Variants in RB1CC1 observed in about 807,000 individuals in gnomAD.
The protein encoded by RB1CC1 is RB1-inducible coiled-coil protein 1.
A neutral mutation model predicts 177.5 loss-of-function variants in RB1CC1; 46 were observed. The ratio of observed to expected loss-of-function variants is 0.26; its 90% CI spans 0.20 to 0.33. RB1CC1 has a LOEUF of 0.33. Among genes scored for constraint, RB1CC1 ranks in the 10% least tolerant of loss-of-function variants. RB1CC1 has a pLI of 1.00. For missense variants in RB1CC1, 1,703 were observed against 1,816.3 expected, an observed-to-expected ratio of 0.94 and a Z score of 1.13; for synonymous variants, 666 against 613.6, an observed-to-expected ratio of 1.09 and a Z score of -1.26.
rs1189214512 is a variant in RB1CC1, at chr8:52,623,806, G to A, written c.4761C>T (p.Ala1587=). The A allele has an allele frequency of 3.7e-6, 6 of 1,607,226 alleles. No homozygotes were observed. The highest frequency in any genetic ancestry group is 2.6e-6 in the Non-Finnish European group (3 of 1,174,436). The part of the protein sequence containing the change: ...PLGTKFYRVK[A]VSWNKKV Reference sequence around the variant, plus strand: ...GTTATACTTTCTTATTCCATGATACGGCTTTCACTCTGTAAAACTTTGTCC... The same window carrying A: ...GTTATACTTTCTTATTCCATGATACAGCTTTCACTCTGTAAAACTTTGTCC... The change falls in exon 24 of 24, where the codon GCC becomes GCT. Residue 1587 remains alanine (A), a synonymous_variant. Coordinates refer to ENST00000025008, the MANE Select transcript of RB1CC1 (RefSeq NM_014781.5).
At chr8:52,658,579 G>GAAAAAAAAAAAAAAAAAA (rs67680393) in intron 13 of RB1CC1, among the ~76,000 whole-genome samples, 1 of 98,798 alleles carries the variant, frequency 1.0e-5, no homozygotes, top group African/African-American at 3.9e-5. Flanking sequence ...TCCGTCTCAA[G>GAAAAAAAAAAAAAAAAAA]AAAAAAAAAA....
rs1295952384 is a variant in RB1CC1, at chr8:52,623,591, G to T, written c.*191C>A. 2 of 615,436 alleles carry T rather than the reference G, an allele frequency of 3.2e-6. No homozygotes were observed. Among genetic ancestry groups the T allele is most frequent in the Non-Finnish European group, 6.0e-6 (2 of 334,988 alleles). The allele number at this position is 615,436 out of a possible 1,614,324, so 38.1% of individuals were successfully genotyped here. On this transcript the variant is annotated 3_prime_UTR_variant, in exon 24 of 24. Coordinates refer to ENST00000025008, the MANE Select transcript of RB1CC1 (RefSeq NM_014781.5). ...AAAAAACAAAAACCATTTTAATTCA[G>T]CCAAGGATTCTGATGAATTTATTAT...
intron 23 of RB1CC1, 31 bp from the exon 24 acceptor site, chr8:52,623,890 G>C: frequency 7.0e-7 from 1 of 1,419,370 alleles, no homozygotes; most frequent in Middle Eastern, 2.3e-4. Context: ...GGAATCACTA[G>C]AGTGATTAAA....
chr8:52,651,837 C>CTAT (rs1850614503), intron 15 of RB1CC1, among the ~76,000 whole-genome samples: 1 of 152,094 alleles, frequency 6.6e-6, no homozygotes, highest in African/African-American at 2.4e-5. Flanking sequence ...TCCAAATGAC[C>CTAT]AACTCATGAC....
At chr8:52,645,904 A>AC in intron 15 of RB1CC1, 37 bp from the exon 16 acceptor site, 1 of 1,532,922 alleles carries the variant, frequency 6.5e-7, no homozygotes, top group African/African-American at 1.4e-5. Context: ...TAAAAAAAAA[A>AC]TTACAGACAC....
At chr8:52,675,215 T>C (rs924163008) in intron 6 of RB1CC1, among the ~76,000 whole-genome samples, 1 of 152,164 alleles carries the variant, frequency 6.6e-6, no homozygotes, top group African/African-American at 2.4e-5. Flanking sequence ...TCAAGATTTT[T>C]CCATTTTTAA....
Position 52,623,826 on chromosome 8 carries a change from T to C in RB1CC1, c.4741A>G (p.Lys1581Glu). 1 of 1,609,804 alleles carries C rather than the reference T, an allele frequency of 6.2e-7. No homozygotes were observed. Residue 1581 changes from lysine (K) to glutamate (E), a missense_variant, in exon 24 of 24, where the codon AAG becomes GAG. Physicochemically the swap from Lys to Glu is moderately conservative, Grantham distance 56 (BLOSUM62 1). Coordinates refer to ENST00000025008, the MANE Select transcript of RB1CC1 (RefSeq NM_014781.5). ...GATACGGCTTTCACTCTGTAAAACT[T>C]TGTCCCCAAAGGAACTTTAAATCTG... ...QNRFKVPLGT[K>E]FYRVKAVSWN... is the part of the protein sequence containing the mutation.
intron 1 of RB1CC1, among the ~76,000 whole-genome samples, chr8:52,708,256 C>T (rs1856757285): frequency 6.6e-6 from 1 of 152,236 alleles, no homozygotes; most frequent in South Asian, 2.1e-4. Context: ...CTGGCTCACG[C>T]CTGTAATCCC....
chr8:52,655,689 A>G (rs557668712), intron 15 of RB1CC1, among the ~76,000 whole-genome samples: 16 of 152,226 alleles, frequency 1.1e-4, no homozygotes, highest in African/African-American at 3.8e-4. Context: ...GTTTAGAAAA[A>G]AACTGCAAAT....
At chr8:52,671,931 G>A (rs914860933) in intron 7 of RB1CC1, among the ~76,000 whole-genome samples, 5 of 151,994 alleles carry the variant, frequency 3.3e-5, no homozygotes, top group South Asian at 2.1e-4. Context: ...TTAAAGTCAC[G>A]TTAGCTAATT....
Position 52,662,282 on chromosome 8 carries a change from T to G in RB1CC1, c.1174-563A>C, listed in dbSNP as rs114012274. 4.1e-3 allele frequency among the ~76,000 whole-genome samples: 618 copies of G among 152,206 alleles called. 6 individuals are homozygous for G. The highest frequency in any genetic ancestry group is 0.014 in the African/African-American group (592 of 41,564). On this transcript the variant is annotated intron_variant, in intron 8 of 23. Coordinates refer to ENST00000025008, the MANE Select transcript of RB1CC1 (RefSeq NM_014781.5). ...TGTGATTTTACACAGAGTTTATACT[T>G]TATTATTTGGTAGAAAAACATTTTT...
At chr8:52,645,895 A>G in intron 15 of RB1CC1, 28 bp from the exon 16 acceptor site, 1 of 1,402,928 alleles carries the variant, frequency 7.1e-7, no homozygotes. Flanking sequence ...GCATTAAATT[A>G]AAAAAAAAAT....
chr8:52,676,298 A>G, intron 6 of RB1CC1, 71 bp downstream of exon 6: 1 of 1,380,348 alleles, frequency 7.2e-7, no homozygotes, highest in Admixed American at 2.0e-5. Flanking sequence ...ACAAATTTGC[A>G]GTAATTAAAC....
At chr8:52,636,900 G>A (rs1323146638) in intron 18 of RB1CC1, among the ~76,000 whole-genome samples, 3 of 152,136 alleles carry the variant, frequency 2.0e-5, no homozygotes, top group African/African-American at 4.8e-5. Context: ...GGGTTCAACC[G>A]ACCATGAATA....
chr8:52,653,369 C>T (rs1850787706), intron 15 of RB1CC1, among the ~76,000 whole-genome samples: 1 of 152,142 alleles, frequency 6.6e-6, no homozygotes, highest in Non-Finnish European at 1.5e-5. Flanking sequence ...GGCTCTATCA[C>T]AAGCAACAGA....
chr8:52,632,353 C>T, intron 20 of RB1CC1, among the ~76,000 whole-genome samples: 1 of 152,276 alleles, frequency 6.6e-6, no homozygotes, highest in East Asian at 1.9e-4. Context: ...CCTCTGAACG[C>T]TATCTGGTAC....
chr8:52,639,989 T>C (rs1849435268), intron 18 of RB1CC1, among the ~76,000 whole-genome samples: 2 of 152,186 alleles, frequency 1.3e-5, no homozygotes, highest in Non-Finnish European at 2.9e-5. Context: ...TATTTGTACC[T>C]TCTATTTATC....
At position 52,660,989 on chromosome 8, in the gene RB1CC1, T is replaced by C. The variant is rs755255725; in HGVS notation, c.1564A>G (p.Lys522Glu). 6.2e-7 allele frequency: 1 copy of C among 1,613,476 alleles called. No individual in the cohort carries two copies. The highest frequency in any genetic ancestry group is 8.5e-7 in the Non-Finnish European group (1 of 1,179,764). Residue 522 changes from lysine (K) to glutamate (E), a missense_variant, in exon 11 of 24, where the codon AAA becomes GAA. By Grantham distance (56) the Lys-to-Glu change is moderately conservative (BLOSUM62 1). Coordinates refer to ENST00000025008, the MANE Select transcript of RB1CC1 (RefSeq NM_014781.5). ...GCTTCATATAATCTCTTTCCATCTT[T>C]GACTAAAGCACCAGCCCACTAGAAG... ...HYREWAGALV[K>E]DGKRLYEAEK...
In RB1CC1 at chr8:52,685,513, TAC is replaced by T. The variant is rs769193735; in HGVS notation, c.-46_-45del. 1.0e-5 allele frequency: 12 copies of T among 1,196,088 alleles called. No individual in the cohort carries two copies. The highest frequency in any genetic ancestry group is 1.2e-5 in the Non-Finnish European group (10 of 823,446). The allele number at this position is 1,196,088 out of a possible 1,614,324, so 74.1% of individuals were successfully genotyped here. ...TGTGAGCTTATACCTCACCCTCTGA[TAC>T]AGTTACTAGAAGAAACAAGAGAAGT... is the stretch of plus-strand genomic sequence containing the variant. On this transcript the variant is annotated 5_prime_UTR_variant, in exon 3 of 24. Coordinates refer to ENST00000025008, the MANE Select transcript of RB1CC1 (RefSeq NM_014781.5).
Sources: allele counts gnomAD v4.1 joint callset (sites outside exome capture counted in the v4.1 genomes callset), GRCh38; gene constraint gnomAD v4.1.1; transcripts MANE v1.5; gene names NCBI Gene and HGNC (gene_info 2026-07-23, HGNC 2026-07-21).